SPINK5: variants seen among roughly 807,000 people sequenced by gnomAD.
SPINK5 encodes the protein serine protease inhibitor Kazal-type 5.
A neutral mutation model predicts 151.8 loss-of-function variants in SPINK5; 125 were observed. The ratio of observed to expected loss-of-function variants is 0.82; its 90% CI spans 0.71 to 0.96. The LOEUF is 0.96. Among genes scored for constraint, SPINK5 ranks in the 40% least tolerant of loss-of-function variants. The pLI is 0.00. For synonymous variants in SPINK5, 374 were observed against 395.3 expected (o/e 0.95, Z 0.64); for missense variants, 1,194 against 1,291.9 (o/e 0.92, Z 1.16).
intron 17 of SPINK5, 36 bp downstream of exon 17, chr5:148,107,200 T>G: frequency 6.2e-7 from 1 of 1,606,086 alleles, no homozygotes; most frequent in Non-Finnish European, 8.5e-7. Flanking sequence ...CTGAATTTCT[T>G]CATCCATGAT....
chr5:148,082,138 T>C (rs1753036184), intron 4 of SPINK5, among the ~76,000 whole-genome samples: 1 of 151,488 alleles, frequency 6.6e-6, no homozygotes, highest in Non-Finnish European at 1.5e-5. Flanking sequence ...TTCATATTAC[T>C]TGTCTCTTTG....
chr5:148,071,942 A>T lies in SPINK5; in HGVS notation c.210-206A>T, dbSNP rs185222419. On this transcript the variant is annotated intron_variant, in intron 3 of 32. Transcript: ENST00000256084. The stretch of plus-strand genomic sequence containing the variant: ...GTCTGTTATGCAGTTAAAGTTAGAG[A>T]TTCTTCCTATAATACCATGTTCGAG... Among the ~76,000 whole-genome samples the T allele has an allele frequency of 4.1e-3, 630 of 152,168 alleles. 4 individuals carry two copies. The highest frequency in any genetic ancestry group is 0.014 in the African/African-American group (592 of 41,536).
chr5:148,068,162 C>T (rs959906006), intron 2 of SPINK5, among the ~76,000 whole-genome samples: 2 of 151,906 alleles, frequency 1.3e-5, no homozygotes, highest in African/African-American at 2.4e-5. Context: ...CTCAAGATGC[C>T]CAGTTATTAA....
At chr5:148,118,307 G>T in intron 22 of SPINK5, 130 bp from the exon 23 acceptor site, 1 of 1,392,154 alleles carries the variant, frequency 7.2e-7, no homozygotes. Flanking sequence ...ATGAGCCACC[G>T]TACCCGGCAA....
intron 4 of SPINK5, among the ~76,000 whole-genome samples, chr5:148,084,007 A>G (rs1047417084): frequency 6.6e-6 from 1 of 151,672 alleles, no homozygotes; most frequent in African/African-American, 2.4e-5. Context: ...TTCTTCCTTT[A>G]TAACTTCTTT....
intron 15 of SPINK5, among the ~76,000 whole-genome samples, chr5:148,103,880 T>A (rs148930154): frequency 1.0e-3 from 158 of 152,312 alleles, no homozygotes; most frequent in African/African-American, 3.5e-3. Flanking sequence ...ACAAATTATG[T>A]AATTTTTTTC....
chr5:148,097,908 A>G lies in SPINK5; in HGVS notation c.924A>G (p.Ile308Met), dbSNP rs1172070840. Residue 308 changes from isoleucine (I) to methionine (M), a missense_variant, in exon 11 of 33, where the codon ATA (isoleucine) becomes ATG (methionine). Ile to Met is a conservative substitution (Grantham distance 10). Coordinates refer to ENST00000256084, the MANE Select transcript of SPINK5 (RefSeq NM_006846.4). ...SQYQNQAKNG[I>M]LFCTRENDPI... ...ATCAAAATCAGGCAAAGAATGGAAT[A>G]CTTTTCTGTACCAGAGAAAATGACC... 1.2e-6 allele frequency: 2 copies of G among 1,612,098 alleles called. No individual in the cohort carries two copies. Among genetic ancestry groups the G allele is most frequent in the Admixed American group, 3.3e-5 (2 of 59,874 alleles).
chr5:148,124,802 G>C lies in SPINK5; in HGVS notation c.2704G>C (p.Glu902Gln), dbSNP rs1231201115. 8.7e-6 allele frequency: 14 copies of C among 1,607,216 alleles called. No homozygotes were observed. The highest frequency in any genetic ancestry group is 1.2e-5 in the Non-Finnish European group (14 of 1,176,826). ...TAATGAAAGAAAAAAGAAAGATGAAGAGAAATCAAGTAGCAAGCCCTCAAA... is the reference window on the plus strand; with the variant it reads ...TAATGAAAGAAAAAAGAAAGATGAACAGAAATCAAGTAGCAAGCCCTCAAA... ...EANERKKKDE[E>Q]KSSSKPSNNA... The change falls in exon 28 of 33, where the codon GAG (glutamate) becomes CAG (glutamine). Residue 902 changes from glutamate (E) to glutamine (Q), a missense_variant. Physicochemically the swap from Glu to Gln is conservative, Grantham distance 29. Transcript: ENST00000256084.
At position 148,126,571 on chromosome 5, in the gene SPINK5, T is replaced by TTTTATTTA. The variant is rs78833989; in HGVS notation, c.2868-381_2868-374dup. On this transcript the variant is annotated intron_variant, in intron 29 of 32. Coordinates refer to ENST00000256084, the MANE Select transcript of SPINK5 (RefSeq NM_006846.4). ...ACTATCTCAATGTTCTGTGATTCTG[T>TTTTATTTA]TTTATTTATTTATTTATTTATTTAT... Among the ~76,000 whole-genome samples, 1,288 of 149,820 alleles carry TTTTATTTA rather than the reference T, an allele frequency of 8.6e-3. 6 individuals are homozygous for TTTTATTTA. Among genetic ancestry groups the TTTTATTTA allele is most frequent in the African/African-American group, 0.015 (624 of 40,540 alleles).
intron 5 of SPINK5, among the ~76,000 whole-genome samples, chr5:148,088,130 TC>T (rs1753209571): frequency 6.6e-6 from 1 of 151,776 alleles, no homozygotes; most frequent in Non-Finnish European, 1.5e-5. Flanking sequence ...ATACTAGTCT[TC>T]ATAACCCAAA....
At chr5:148,076,676 C>T (rs1010990404) in intron 4 of SPINK5, among the ~76,000 whole-genome samples, 4 of 151,402 alleles carry the variant, frequency 2.6e-5, no homozygotes, top group South Asian at 2.1e-4. Context: ...AAAATGTATT[C>T]AGGATACTAA....
chr5:148,109,232 G>A (rs938038458), intron 18 of SPINK5, among the ~76,000 whole-genome samples: 1 of 152,060 alleles, frequency 6.6e-6, no homozygotes, highest in Admixed American at 6.6e-5. Flanking sequence ...TTAATTATCT[G>A]TGAGATTTTG....
Position 148,076,935 on chromosome 5 carries a change from A to T in SPINK5, c.282+4715A>T, listed in dbSNP as rs139151353. Among the ~76,000 whole-genome samples, 1,090 of 151,618 alleles carry T rather than the reference A, an allele frequency of 7.2e-3. 8 individuals are homozygous for T. Among genetic ancestry groups the T allele is most frequent in the Non-Finnish European group, 9.0e-3 (606 of 67,686 alleles). On this transcript the variant is annotated intron_variant, in intron 4 of 32. Coordinates refer to ENST00000256084, the MANE Select transcript of SPINK5 (RefSeq NM_006846.4). ...TAACAATGGAAATACAGAGACAGACAATAGAGAAGAAAAATGAACAAAATT... is the reference window on the plus strand; with the variant it reads ...TAACAATGGAAATACAGAGACAGACTATAGAGAAGAAAAATGAACAAAATT...
Position 148,123,884 on chromosome 5 carries a change from A to C in SPINK5, c.2590A>C (p.Thr864Pro). 1.2e-6 allele frequency: 2 copies of C among 1,614,090 alleles called. No homozygotes were observed. Among genetic ancestry groups the C allele is most frequent in the Non-Finnish European group, 1.7e-6 (2 of 1,180,012 alleles). ...SMQRNGKLICTRENNPVRGPY... is the reference protein window; with the variant it reads ...SMQRNGKLICPRENNPVRGPY... ...GCAGAGAAATGGAAAGCTTATCTGC[A>C]CCAGAGAAAATAACCCTGTTCGAGG... The change falls in exon 27 of 33, where the codon ACC becomes CCC. Residue 864 changes from threonine (T) to proline (P), a missense_variant. Coordinates refer to ENST00000256084, the MANE Select transcript of SPINK5 (RefSeq NM_006846.4).
intron 4 of SPINK5, among the ~76,000 whole-genome samples, chr5:148,074,712 G>T (rs977401526): frequency 2.0e-5 from 3 of 151,616 alleles, no homozygotes; most frequent in East Asian, 1.9e-4. Flanking sequence ...TGGATACAAA[G>T]AATTTGTAAA....
At chr5:148,070,572 C>A in intron 3 of SPINK5, 122 bp downstream of exon 3, 1 of 1,241,098 alleles carries the variant, frequency 8.1e-7, no homozygotes, top group Non-Finnish European at 1.1e-6. Flanking sequence ...AATAAAAGTG[C>A]TGAGCAGATC....
At chr5:148,086,087 C>T (rs1739987872) in intron 4 of SPINK5, among the ~76,000 whole-genome samples, 2 of 151,856 alleles carry the variant, frequency 1.3e-5, no homozygotes, top group African/African-American at 4.8e-5. Flanking sequence ...CTGGGCCTCA[C>T]TACTACTCTG....
In SPINK5 at chr5:148,070,407, G is replaced by A. The variant is rs748409924; in HGVS notation, c.166G>A (p.Gly56Arg). Reference sequence around the variant, plus strand: ...TAAGAAATTTTTTCAAAGTCTTGATGGAATAATGTTCATCAATAAATGTGC... The same window carrying A: ...TAAGAAATTTTTTCAAAGTCTTGATAGAATAATGTTCATCAATAAATGTGC... The part of the protein sequence containing the change: ...QDKKFFQSLD[G>R]IMFINKCATC... Residue 56 changes from glycine to arginine, a missense_variant, in exon 3 of 33, where the codon GGA becomes AGA. Gly to Arg is a moderately radical substitution (Grantham distance 125). Transcript: ENST00000256084. The A allele has an allele frequency of 1.9e-5, 31 of 1,612,642 alleles. No individual in the cohort carries two copies. The highest frequency in any genetic ancestry group is 2.5e-5 in the Non-Finnish European group (30 of 1,179,252).
rs1561703850 is a variant in SPINK5, at chr5:148,123,512, A to ATTATATATATATAT, written c.2539-321_2539-320insTTATATATATATAT. On this transcript the variant is annotated intron_variant, in intron 26 of 32. Coordinates refer to ENST00000256084, the MANE Select transcript of SPINK5 (RefSeq NM_006846.4). ...TGTCCAGCCTGGAGTGCAGTGGTGC[A>ATTATATATATATAT]ATATATGTGTATATATATATATATA... Among the ~76,000 whole-genome samples, 112 of 120,924 alleles carry ATTATATATATATAT rather than the reference A, an allele frequency of 9.3e-4. 1 individual carries two copies. The highest frequency in any genetic ancestry group is 3.9e-3 in the African/African-American group (111 of 28,350). The allele number at this position is 120,924 out of a possible 152,430, so 79.3% of individuals were successfully genotyped here. A position where few individuals can be genotyped will look rare whatever the true frequency, so the allele number is the denominator to read the frequency against.
Sources: allele counts gnomAD v4.1 joint callset (sites outside exome capture counted in the v4.1 genomes callset), GRCh38; gene constraint gnomAD v4.1.1; transcripts MANE v1.5; gene names NCBI Gene and HGNC (gene_info 2026-07-23, HGNC 2026-07-21).